SORCS3: variants seen among roughly 807,000 people sequenced by gnomAD.
SORCS3 encodes sortilin related VPS10 domain containing receptor 3.
In SORCS3, 57 loss-of-function variants were observed where a neutral mutation model predicts 146.3. The observed-to-expected ratio is 0.39, with a 90% CI of 0.31 to 0.49. SORCS3 has a LOEUF of 0.49. Among genes scored for constraint, SORCS3 ranks in the 20% least tolerant of loss-of-function variants. The pLI is 0.92. For missense variants in SORCS3, 1,341 were observed against 1,575.5 expected (o/e 0.85, Z 2.52); for synonymous variants, 653 against 618.5 (o/e 1.06, Z -0.83).
intron 2 of SORCS3, among the ~76,000 whole-genome samples, chr10:104,843,724 C>T (rs547005070): frequency 5.3e-5 from 8 of 152,372 alleles, no homozygotes; most frequent in South Asian, 4.1e-4. Flanking sequence ...TACCTCCTCA[C>T]GTACATATGC....
intron 1 of SORCS3, among the ~76,000 whole-genome samples, chr10:104,818,429 G>A (rs2017832841): frequency 8.2e-6 from 1 of 121,458 alleles, no homozygotes; most frequent in Non-Finnish European, 1.8e-5. Context: ...TTTTGGAGCT[G>A]GTCCTCTAGC....
At chr10:105,098,740 T>G (rs1374968456) in intron 6 of SORCS3, among the ~76,000 whole-genome samples, 1 of 152,214 alleles carries the variant, frequency 6.6e-6, no homozygotes, top group Non-Finnish European at 1.5e-5. Flanking sequence ...GAATGAGCAG[T>G]CAAAAATGCT....
chr10:104,931,340 A>G (rs1332715562), intron 3 of SORCS3, among the ~76,000 whole-genome samples: 2 of 152,194 alleles, frequency 1.3e-5, no homozygotes, highest in Non-Finnish European at 2.9e-5. Flanking sequence ...AGACCCTGAC[A>G]TTAGGGCGCT....
chr10:105,060,455 CAG>C (rs756874943), intron 5 of SORCS3, among the ~76,000 whole-genome samples: 2 of 152,102 alleles, frequency 1.3e-5, no homozygotes, highest in African/African-American at 2.4e-5. Context: ...GGGTTCCACT[CAG>C]GGGCAGAGCA....
intron 1 of SORCS3, among the ~76,000 whole-genome samples, chr10:104,649,383 G>A (rs1424806796): frequency 6.6e-6 from 1 of 152,228 alleles, no homozygotes. Flanking sequence ...AAGTGAGACT[G>A]TACAGGGCAG....
intron 1 of SORCS3, among the ~76,000 whole-genome samples, chr10:104,667,428 A>G (rs1196946099): frequency 6.6e-6 from 1 of 152,100 alleles, no homozygotes; most frequent in Non-Finnish European, 1.5e-5. Context: ...TCTCTAGACT[A>G]TAAACTCCTC....
chr10:104,659,303 A>G (rs1395212314), intron 1 of SORCS3, among the ~76,000 whole-genome samples: 1 of 152,208 alleles, frequency 6.6e-6, no homozygotes, highest in African/African-American at 2.4e-5. Flanking sequence ...ACCTAACTAC[A>G]TCTTTTTCCT....
chr10:104,656,668 A>T (rs1161310985), intron 1 of SORCS3, among the ~76,000 whole-genome samples: 1 of 152,196 alleles, frequency 6.6e-6, no homozygotes, highest in Non-Finnish European at 1.5e-5. Context: ...TGTTAAAAAA[A>T]AACAAAAAGA....
intron 1 of SORCS3, among the ~76,000 whole-genome samples, chr10:104,728,834 G>A (rs1341046511): frequency 6.6e-6 from 1 of 152,146 alleles, no homozygotes; most frequent in Non-Finnish European, 1.5e-5. Flanking sequence ...AGTCCTATAA[G>A]TCACAAACCT....
intron 2 of SORCS3, among the ~76,000 whole-genome samples, chr10:104,857,140 A>T (rs1274108659): frequency 6.7e-6 from 1 of 150,110 alleles, no homozygotes; most frequent in Non-Finnish European, 1.5e-5. Flanking sequence ...TAAATTCAGG[A>T]GGAGAGAATG....
At chr10:105,166,166 T>C (rs1379642928) in intron 12 of SORCS3, among the ~76,000 whole-genome samples, 1 of 152,144 alleles carries the variant, frequency 6.6e-6, no homozygotes, top group Admixed American at 6.6e-5. Context: ...AAAAAGAGGT[T>C]TAGGACTGAG....
intron 3 of SORCS3, among the ~76,000 whole-genome samples, chr10:104,947,812 A>G (rs2019389349): frequency 6.6e-6 from 1 of 151,984 alleles, no homozygotes; most frequent in Admixed American, 6.6e-5. Flanking sequence ...TAGTAGAGTC[A>G]GGGTTTCACC....
intron 5 of SORCS3, among the ~76,000 whole-genome samples, chr10:105,044,425 A>C (rs1347720684): frequency 1.3e-5 from 2 of 152,132 alleles, no homozygotes; most frequent in Non-Finnish European, 2.9e-5. Flanking sequence ...AATTTTTGTT[A>C]GAAGTTGTAC....
At chr10:104,676,628 C>T (rs184083514) in intron 1 of SORCS3, among the ~76,000 whole-genome samples, 1 of 152,222 alleles carries the variant, frequency 6.6e-6, no homozygotes, top group East Asian at 1.9e-4. Context: ...TGGAGGAGAA[C>T]CCAGATCTTC....
At chr10:105,084,281 G>A (rs148630676) in intron 5 of SORCS3, among the ~76,000 whole-genome samples, 1 of 152,258 alleles carries the variant, frequency 6.6e-6, no homozygotes, top group Non-Finnish European at 1.5e-5. Flanking sequence ...TGAAGATAAT[G>A]CTTATAAACA....
intron 5 of SORCS3, among the ~76,000 whole-genome samples, chr10:105,065,725 A>G (rs548224743): frequency 9.8e-5 from 15 of 152,308 alleles, no homozygotes; most frequent in Non-Finnish European, 2.2e-4. Flanking sequence ...CTGGCAATAC[A>G]CCTAATCTCC....
intron 1 of SORCS3, among the ~76,000 whole-genome samples, chr10:104,816,815 A>G (rs1464967553): frequency 6.6e-6 from 1 of 152,198 alleles, no homozygotes; most frequent in Non-Finnish European, 1.5e-5. Context: ...TTGCAGAATC[A>G]TTTGGAACAT....
rs1243283259 is a variant in SORCS3, at chr10:105,216,951, A to C, written c.2563A>C (p.Thr855Pro). Residue 855 changes from threonine to proline, a missense_variant, in exon 19 of 27, where the codon ACA (threonine) becomes CCA (proline). By Grantham distance (38) the Thr-to-Pro change is conservative. Coordinates refer to ENST00000369701, the MANE Select transcript of SORCS3 (RefSeq NM_014978.3). ...CATCTTGCAGGGTGATCTACAAAGG[A>C]CAAACATCCAGCTTGACTTTGGGGA... ...ILMEEGDLQR[T>P]NIQLDFGDGI... The C allele has an allele frequency of 1.2e-6, 2 of 1,614,194 alleles. No homozygotes were observed. Among genetic ancestry groups the C allele is most frequent in the African/African-American group, 2.7e-5 (2 of 75,048 alleles).
At chr10:105,067,037 G>T (rs2055527372) in intron 5 of SORCS3, among the ~76,000 whole-genome samples, 1 of 152,128 alleles carries the variant, frequency 6.6e-6, no homozygotes, top group African/African-American at 2.4e-5. Context: ...CTTCCCAGCT[G>T]TTAGGGGTTT....
Sources: allele counts gnomAD v4.1 joint callset (sites outside exome capture counted in the v4.1 genomes callset), GRCh38; gene constraint gnomAD v4.1.1; transcripts MANE v1.5; gene names NCBI Gene and HGNC (gene_info 2026-07-23, HGNC 2026-07-21).